Variants in ARHGAP26 observed in about 807,000 individuals in gnomAD.
The protein encoded by ARHGAP26 is Rho GTPase activating protein 26, also known as rho GTPase-activating protein 26.
A neutral mutation model predicts 104.8 loss-of-function variants in ARHGAP26; 38 were observed. The observed-to-expected ratio is 0.36, with a 90% CI of 0.28 to 0.48. ARHGAP26 has a LOEUF of 0.48. Among genes scored for constraint, ARHGAP26 ranks in the 20% least tolerant of loss-of-function variants. The pLI, the probability that ARHGAP26 is intolerant of heterozygous loss-of-function variation, is 0.99. For missense variants in ARHGAP26, 704 were observed against 947.9 expected, an observed-to-expected ratio of 0.74 and a Z score of 3.38; for synonymous variants, 341 against 340.0, an observed-to-expected ratio of 1.00 and a Z score of -0.03.
chr5:142,869,533 C>T lies in ARHGAP26; in HGVS notation c.155-3867C>T, dbSNP rs185341343. Among the ~76,000 whole-genome samples the T allele has an allele frequency of 1.8e-4, 27 of 152,220 alleles. No homozygotes were observed. In the East Asian group the frequency reaches 4.2e-3, roughly 24 times the overall value. On this transcript the variant is annotated intron_variant, in intron 1 of 22. Transcript: ENST00000645722. ...GGAAAGATGTGACTGAGCAGCAAAA[C>T]ATTTCAAGGGTAGTTAATACACAAT...
At chr5:142,822,854 C>G (rs561181641) in intron 1 of ARHGAP26, among the ~76,000 whole-genome samples, 2 of 152,274 alleles carry the variant, frequency 1.3e-5, no homozygotes, top group East Asian at 1.9e-4. Flanking sequence ...CTTTATATCC[C>G]TAACCTCTAG....
At chr5:143,111,627 A>C (rs1794779066) in intron 17 of ARHGAP26, among the ~76,000 whole-genome samples, 1 of 152,256 alleles carries the variant, frequency 6.6e-6, no homozygotes. Context: ...GGAATTTCAG[A>C]AATGGATAAA....
intron 6 of ARHGAP26, among the ~76,000 whole-genome samples, chr5:142,895,551 G>A (rs1759360586): frequency 6.6e-6 from 1 of 152,142 alleles, no homozygotes; most frequent in Admixed American, 6.5e-5. Context: ...CTTTTCTTAA[G>A]CAAATAAGAA....
intron 11 of ARHGAP26, among the ~76,000 whole-genome samples, chr5:142,943,580 T>G (rs1766688834): frequency 6.6e-6 from 1 of 152,220 alleles, no homozygotes; most frequent in African/African-American, 2.4e-5. Flanking sequence ...ATCATCACAT[T>G]AATTATTAGG....
intron 1 of ARHGAP26, among the ~76,000 whole-genome samples, chr5:142,786,382 G>A (rs926563415): frequency 6.6e-6 from 1 of 151,694 alleles, no homozygotes; most frequent in Non-Finnish European, 1.5e-5. Context: ...CTGCAGCCTC[G>A]GACTCCTGGA....
At chr5:142,932,735 C>T (rs1764896967) in intron 11 of ARHGAP26, among the ~76,000 whole-genome samples, 1 of 152,254 alleles carries the variant, frequency 6.6e-6, no homozygotes. Flanking sequence ...TTGATACTTA[C>T]ACAGGTACTG....
intron 20 of ARHGAP26, among the ~76,000 whole-genome samples, chr5:143,157,195 G>A (rs1463066121): frequency 1.5e-5 from 2 of 132,536 alleles, no homozygotes; most frequent in Non-Finnish European, 3.1e-5. Flanking sequence ...TTTTTTTCTC[G>A]AGACAGAGTC....
At chr5:142,848,679 A>G in intron 1 of ARHGAP26, among the ~76,000 whole-genome samples, 1 of 152,212 alleles carries the variant, frequency 6.6e-6, no homozygotes, top group East Asian at 1.9e-4. Context: ...AAAGGATGGC[A>G]TTAGTTTTGA....
chr5:143,123,276 G>A (rs998994036), intron 18 of ARHGAP26, among the ~76,000 whole-genome samples: 7 of 152,212 alleles, frequency 4.6e-5, no homozygotes, highest in Middle Eastern at 3.2e-3. Flanking sequence ...AGGGTTTGTC[G>A]TCTTTGTGAG....
chr5:143,163,465 T>TTTG (rs1562533553), intron 20 of ARHGAP26, among the ~76,000 whole-genome samples: 27 of 135,628 alleles, frequency 2.0e-4, no homozygotes, highest in Admixed American at 9.3e-4. Context: ...TTGTTTGTTT[T>TTTG]TTTAAGATGG....
intron 17 of ARHGAP26, among the ~76,000 whole-genome samples, chr5:143,114,792 A>G (rs1414193596): frequency 2.6e-5 from 4 of 152,128 alleles, no homozygotes; most frequent in African/African-American, 9.7e-5. Flanking sequence ...GAAATGTCCC[A>G]TGGGATTGAC....
At chr5:143,065,991 G>A (rs1036227142) in intron 17 of ARHGAP26, among the ~76,000 whole-genome samples, 3 of 152,178 alleles carry the variant, frequency 2.0e-5, no homozygotes, top group African/African-American at 7.2e-5. Context: ...ATTCCCCCAA[G>A]AATCCCCTGG....
chr5:143,088,838 A>G (rs1381950472), intron 17 of ARHGAP26, among the ~76,000 whole-genome samples: 1 of 152,178 alleles, frequency 6.6e-6, no homozygotes, highest in Non-Finnish European at 1.5e-5. Context: ...CCGATTGGCT[A>G]ATTTAAAGAG....
chr5:143,179,149 G>A (rs1160964707), intron 20 of ARHGAP26, among the ~76,000 whole-genome samples: 2 of 152,146 alleles, frequency 1.3e-5, no homozygotes, highest in East Asian at 3.8e-4. Flanking sequence ...GATTACAGGC[G>A]TGAGCCACCG....
chr5:143,120,857 G>C, intron 17 of ARHGAP26, 131 bp from the exon 18 acceptor site: 1 of 821,930 alleles, frequency 1.2e-6, no homozygotes. Flanking sequence ...TGTGGCATCT[G>C]ACGATGACCC....
At chr5:142,857,064 G>A (rs1013628529) in intron 1 of ARHGAP26, among the ~76,000 whole-genome samples, 1 of 152,114 alleles carries the variant, frequency 6.6e-6, no homozygotes, top group Non-Finnish European at 1.5e-5. Context: ...GCATGTAGCT[G>A]TGTCACTTCA....
chr5:143,121,665 G>A (rs1796150806), intron 18 of ARHGAP26, among the ~76,000 whole-genome samples: 1 of 152,078 alleles, frequency 6.6e-6, no homozygotes, highest in Non-Finnish European at 1.5e-5. Context: ...TTGTGTGCGC[G>A]TGTCTTTATG....
chr5:142,977,892 C>T (rs1409315009), intron 11 of ARHGAP26, among the ~76,000 whole-genome samples: 1 of 152,234 alleles, frequency 6.6e-6, no homozygotes, highest in Non-Finnish European at 1.5e-5. Context: ...TGCTTTCCTT[C>T]CTGGCTACAT....
intron 10 of ARHGAP26, among the ~76,000 whole-genome samples, chr5:142,928,880 AT>A (rs1421217810): frequency 1.6e-5 from 2 of 124,568 alleles, no homozygotes; most frequent in Non-Finnish European, 3.2e-5. Context: ...GAGCTCTGAT[AT>A]TTACTCCAAT....
Sources: allele counts gnomAD v4.1 joint callset (sites outside exome capture counted in the v4.1 genomes callset), GRCh38; gene constraint gnomAD v4.1.1; transcripts MANE v1.5; gene names NCBI Gene and HGNC (gene_info 2026-07-23, HGNC 2026-07-21).